NYAP2: variants seen among roughly 807,000 people sequenced by gnomAD.
The protein encoded by NYAP2 is neuronal tyrosine-phosphorylated phosphoinositide-3-kinase adaptor 2, also known as neuronal tyrosine-phosphorylated phosphoinositide-3-kinase adapter 2.
In NYAP2, 23 loss-of-function variants were observed where a neutral mutation model predicts 50.4. That is an observed-to-expected ratio of 0.46 (90% CI 0.33 to 0.65). The LOEUF is 0.65. NYAP2 is among the 30% of genes least tolerant of loss of function. The probability of loss-of-function intolerance (pLI) is 0.02; values close to 1 mark genes in which losing one functional copy is unlikely to be tolerated. For synonymous variants in NYAP2, 394 were observed against 365.2 expected, an observed-to-expected ratio of 1.08 and a Z score of -0.90; for missense variants, 885 against 861.0, an observed-to-expected ratio of 1.03 and a Z score of -0.35.
chr2:225,451,111 A>G (rs1417840542), intron 3 of NYAP2, among the ~76,000 whole-genome samples: 4 of 152,218 alleles, frequency 2.6e-5, no homozygotes, highest in Non-Finnish European at 1.5e-5. Flanking sequence ...AATTAAATTA[A>G]AAGGAAAGGT....
chr2:225,601,993 T>G (rs964018094), intron 5 of NYAP2, among the ~76,000 whole-genome samples: 1 of 152,188 alleles, frequency 6.6e-6, no homozygotes, highest in Admixed American at 6.5e-5. Flanking sequence ...GCCATGATTT[T>G]TTTGTCTCAT....
intron 4 of NYAP2, among the ~76,000 whole-genome samples, chr2:225,527,521 T>C (rs1437380961): frequency 6.6e-6 from 1 of 152,230 alleles, no homozygotes. Context: ...TTATAGAACA[T>C]GCAGTAGCTT....
At chr2:225,683,158 C>T in the NYAP2 span, among the ~76,000 whole-genome samples, 47 of 152,230 alleles carry the variant, frequency 3.1e-4, no homozygotes, top group African/African-American at 9.9e-4. Flanking sequence ...ATGGAAGAGG[C>T]GTAGGGACAA....
At chr2:225,605,915 A>G (rs1692777037) in intron 5 of NYAP2, among the ~76,000 whole-genome samples, 1 of 152,140 alleles carries the variant, frequency 6.6e-6, no homozygotes, top group African/African-American at 2.4e-5. Flanking sequence ...AAAATTAATA[A>G]CCAAAAATAT....
At chr2:225,423,531 C>G (rs889417653) in intron 3 of NYAP2, among the ~76,000 whole-genome samples, 10 of 152,196 alleles carry the variant, frequency 6.6e-5, no homozygotes, top group African/African-American at 2.4e-4. Context: ...ATTCTAGGAA[C>G]TATAACTTGG....
chr2:225,596,057 G>A (rs1200161767), intron 5 of NYAP2, among the ~76,000 whole-genome samples: 1 of 152,090 alleles, frequency 6.6e-6, no homozygotes, highest in African/African-American at 2.4e-5. Flanking sequence ...CTCTGGCTAT[G>A]TTGCCCAGGC....
chr2:225,627,211 C>T, intron 6 of NYAP2, 85 bp downstream of exon 6: 2 of 997,440 alleles, frequency 2.0e-6, no homozygotes, highest in South Asian at 2.9e-5. Context: ...AGAATTATCA[C>T]CACAGATATC....
intron 3 of NYAP2, among the ~76,000 whole-genome samples, chr2:225,460,898 C>A (rs1689817844): frequency 7.0e-6 from 1 of 143,602 alleles, no homozygotes; most frequent in Admixed American, 7.7e-5. Flanking sequence ...GAGGCTGACG[C>A]AAGAGAATGG....
intron 4 of NYAP2, among the ~76,000 whole-genome samples, chr2:225,548,565 G>A (rs539075482): frequency 4.9e-4 from 75 of 151,882 alleles, no homozygotes; most frequent in Middle Eastern, 6.8e-3. Context: ...AATTATGCTC[G>A]GTGGGAGCAA....
intron 4 of NYAP2, among the ~76,000 whole-genome samples, chr2:225,547,044 C>T (rs1691597121): frequency 6.6e-6 from 1 of 152,104 alleles, no homozygotes; most frequent in African/African-American, 2.4e-5. Flanking sequence ...CCTATTGTGG[C>T]TAAGCGGGTG....
intron 4 of NYAP2, among the ~76,000 whole-genome samples, chr2:225,545,779 G>C (rs1691569754): frequency 1.3e-5 from 2 of 152,100 alleles, no homozygotes; most frequent in Non-Finnish European, 2.9e-5. Context: ...GGATTGAAGA[G>C]TTATGTATTT....
intron 3 of NYAP2, among the ~76,000 whole-genome samples, chr2:225,512,440 C>A (rs1325061663): frequency 6.6e-6 from 1 of 152,062 alleles, no homozygotes; most frequent in African/African-American, 2.4e-5. Flanking sequence ...AATACCTTCA[C>A]CAATTTAAGC....
chr2:225,496,917 T>C (rs1436659493), intron 3 of NYAP2, among the ~76,000 whole-genome samples: 1 of 150,028 alleles, frequency 6.7e-6, no homozygotes, highest in Admixed American at 6.6e-5. Flanking sequence ...AATGGAGAAT[T>C]TTTTTTTTTA....
intron 3 of NYAP2, among the ~76,000 whole-genome samples, chr2:225,433,697 G>A (rs980116678): frequency 6.6e-6 from 1 of 151,528 alleles, no homozygotes; most frequent in Admixed American, 6.6e-5. Flanking sequence ...GGCGCCTGTA[G>A]TCCCAGCTAC....
At chr2:225,615,327 G>T (rs1238452566) in intron 5 of NYAP2, among the ~76,000 whole-genome samples, 4 of 152,144 alleles carry the variant, frequency 2.6e-5, no homozygotes, top group South Asian at 2.1e-4. Context: ...ATTTCTCAAA[G>T]AAAATGTTAC....
intron 3 of NYAP2, among the ~76,000 whole-genome samples, chr2:225,501,766 T>A (rs1485935641): frequency 1.3e-5 from 2 of 152,160 alleles, no homozygotes; most frequent in Non-Finnish European, 2.9e-5. Flanking sequence ...ACCTAGCAGT[T>A]TTTACTGGGT....
intron 4 of NYAP2, among the ~76,000 whole-genome samples, chr2:225,560,449 A>G (rs562575897): frequency 6.6e-6 from 1 of 152,220 alleles, no homozygotes; most frequent in East Asian, 1.9e-4. Flanking sequence ...CTGCAAGTAC[A>G]ATCTTCCAGG....
the NYAP2 span, among the ~76,000 whole-genome samples, chr2:225,664,176 G>A: frequency 1.3e-5 from 2 of 152,100 alleles, no homozygotes; most frequent in Admixed American, 1.3e-4. Context: ...CAAATTTGCT[G>A]ATGTGCACCG....
intron 6 of NYAP2, among the ~76,000 whole-genome samples, chr2:225,631,017 C>T (rs1574719830): frequency 6.6e-6 from 1 of 152,136 alleles, no homozygotes; most frequent in Non-Finnish European, 1.5e-5. Flanking sequence ...ACTCCTTTGG[C>T]GTGGTTAGAA....
Sources: allele counts gnomAD v4.1 joint callset (sites outside exome capture counted in the v4.1 genomes callset), GRCh38; gene constraint gnomAD v4.1.1; transcripts MANE v1.5; gene names NCBI Gene and HGNC (gene_info 2026-07-23, HGNC 2026-07-21).